The following RUNX3 variants were observed in gnomAD, a reference collection of about 807,000 sequenced individuals.
RUNX3 encodes the protein runt-related transcription factor 3.
In RUNX3, 10 loss-of-function variants were observed where a neutral mutation model predicts 27.7. That is an observed-to-expected ratio of 0.36 (90% CI 0.22 to 0.61). The LOEUF is 0.61. Among genes scored for constraint, RUNX3 ranks in the 20% least tolerant of loss-of-function variants. The pLI is 0.72. For synonymous variants in RUNX3, 270 were observed against 269.2 expected, an observed-to-expected ratio of 1.00 and a Z score of -0.03; for missense variants, 469 against 629.5, an observed-to-expected ratio of 0.75 and a Z score of 2.73.
chr1:24,908,152 CCTCTACGACACGCGGTGATCCGAAG>C (rs1445471091), intron 3 of RUNX3, among the ~76,000 whole-genome samples: 1,665 of 136,146 alleles, frequency 0.012, 51 homozygotes, highest in African/African-American at 0.028. Flanking sequence ...GTGATCCGAA[CCTCTACGACACGCGGTGATCCGAAG>C]CTCTACGACA....
At chr1:24,940,732 CAA>C (rs34576113) in intron 2 of RUNX3, among the ~76,000 whole-genome samples, 6 of 126,558 alleles carry the variant, frequency 4.7e-5, no homozygotes, top group Non-Finnish European at 6.8e-5. Context: ...CTGTATCTAC[CAA>C]AAAAAAAAAA....
chr1:24,904,541 G>C lies in RUNX3; in HGVS notation c.704-1875C>G, dbSNP rs537778433. On this transcript the variant is annotated intron_variant, in intron 4 of 4. Transcript: ENST00000308873. The surrounding 1 kb of genome is among the most constrained non-coding windows in gnomAD (Gnocchi z 5.7). The stretch of plus-strand genomic sequence containing the variant: ...CCAGTTTTCATCTGGGGAGCCCCTC[G>C]GGGGGAGAGGTCCTGTTGCAGGTGC... 6.6e-6 allele frequency among the ~76,000 whole-genome samples: 1 copy of C among 152,184 alleles called. No individual in the cohort carries two copies. The highest frequency in any genetic ancestry group is 2.4e-5 in the African/African-American group (1 of 41,448).
chr1:24,902,014 C>T lies in RUNX3; in HGVS notation c.*108G>A. 1.8e-6 allele frequency: 2 copies of T among 1,098,082 alleles called. No homozygotes were observed. The highest frequency in any genetic ancestry group is 1.6e-5 in the African/African-American group (1 of 63,140). The allele number at this position is 1,098,082 out of a possible 1,614,324, so 68.0% of individuals were successfully genotyped here. On this transcript the variant is annotated 3_prime_UTR_variant, in exon 5 of 5. Coordinates refer to ENST00000308873, the MANE Select transcript of RUNX3 (RefSeq NM_004350.3). The surrounding 1 kb of genome is among the most constrained non-coding windows in gnomAD (Gnocchi z 9.2). ...TGGGACCACCCTGGGACCGAGACCACCCTGGAGCGCAGGTCCCATTCCCGC... is the reference window on the plus strand; with the variant it reads ...TGGGACCACCCTGGGACCGAGACCATCCTGGAGCGCAGGTCCCATTCCCGC...
At chr1:24,907,544 G>T in intron 3 of RUNX3, 127 bp from the exon 4 acceptor site, 1 of 903,684 alleles carries the variant, frequency 1.1e-6, no homozygotes, top group Non-Finnish European at 1.6e-6. Flanking sequence ...GAACCCTGAG[G>T]TCACCGCCAG....
At chr1:24,913,783 T>A (rs1375465023) in intron 3 of RUNX3, among the ~76,000 whole-genome samples, 1 of 152,176 alleles carries the variant, frequency 6.6e-6, no homozygotes. Flanking sequence ...CTGGCCAGCC[T>A]GGGGTCCTAC....
At chr1:24,908,993 CA>C (rs1013104267) in intron 3 of RUNX3, among the ~76,000 whole-genome samples, 1 of 152,144 alleles carries the variant, frequency 6.6e-6, no homozygotes, top group Admixed American at 6.5e-5. Flanking sequence ...AAGCTGGGGT[CA>C]GGGGACGAGA....
At chr1:24,963,617 G>A (rs776899097) in intron 2 of RUNX3, among the ~76,000 whole-genome samples, 23 of 152,286 alleles carry the variant, frequency 1.5e-4, no homozygotes, top group Non-Finnish European at 1.6e-4. Context: ...CCACTGAGCC[G>A]TGGGACTTGA....
Position 24,964,400 on chromosome 1 carries a change from G to A in RUNX3, c.58+114C>T, listed in dbSNP as rs577428965. The A allele has an allele frequency of 1.5e-4, 123 of 821,474 alleles. No homozygotes were observed. In the East Asian group the frequency reaches 2.3e-3, roughly 16 times the overall value. The allele number at this position is 821,474 out of a possible 1,614,324, so 50.9% of individuals were successfully genotyped here. Reference sequence around the variant, plus strand: ...CCACCTCAGGCTTTCAGAGGCCAGCGGATTTAGGCGGACAGGCTGTGCGCT... The same window carrying A: ...CCACCTCAGGCTTTCAGAGGCCAGCAGATTTAGGCGGACAGGCTGTGCGCT... On this transcript the variant is annotated intron_variant, in intron 2 of 6. Coordinates refer to the RUNX3 transcript ENST00000338888.
Position 24,902,337 on chromosome 1 carries a change from T to C in RUNX3, c.1033A>G (p.Met345Val), listed in dbSNP as rs1209824432. 1.9e-6 allele frequency: 3 copies of C among 1,611,184 alleles called. No homozygotes were observed. Among genetic ancestry groups the C allele is most frequent in the Non-Finnish European group, 1.7e-6 (2 of 1,179,678 alleles). The part of the protein sequence containing the change: ...GTSSGSYQFS[M>V]VAGSSSGGDR... ...CCCCCACTGCTGCTGCCGGCCACCA[T>C]GGAGAACTGGTAGGAGCCAGAGGAT... The change falls in exon 5 of 5, where the codon ATG becomes GTG. Residue 345 changes from methionine to valine, a missense_variant. Coordinates refer to ENST00000308873, the MANE Select transcript of RUNX3 (RefSeq NM_004350.3). This position sits in a 1 kb window ranked among gnomAD's most constrained non-coding sequence, Gnocchi z 9.2.
chr1:24,953,148 C>T (rs61774735), intron 2 of RUNX3, among the ~76,000 whole-genome samples: 22,097 of 151,836 alleles, frequency 0.15, 1,829 homozygotes, highest in South Asian at 0.23. Context: ...GGGCGGATCA[C>T]GAGGTCAGGA....
chr1:24,917,849 T>G (rs74750865), intron 3 of RUNX3, among the ~76,000 whole-genome samples: 1 of 152,284 alleles, frequency 6.6e-6, no homozygotes, highest in Non-Finnish European at 1.5e-5. Context: ...ATCACCACCT[T>G]GAGACTCCTG....
rs750411355 is a variant in RUNX3, at chr1:24,964,613, G to A, written c.-42C>T. On this transcript the variant is annotated 5_prime_UTR_variant, in exon 2 of 7. Transcript: ENST00000338888. ...GGCGAGAATTTTCAGCCCTTCAGGGGGTTGGGTTGGGATTCACTTGGTTGG... is the reference window on the plus strand; with the variant it reads ...GGCGAGAATTTTCAGCCCTTCAGGGAGTTGGGTTGGGATTCACTTGGTTGG... 22 of 1,588,550 alleles carry A rather than the reference G, an allele frequency of 1.4e-5. No homozygotes were observed. In the Middle Eastern group the frequency reaches 2.0e-3, roughly 143 times the overall value.
chr1:24,901,454 G>A lies in RUNX3; in HGVS notation c.*668C>T, dbSNP rs115440312. On this transcript the variant is annotated 3_prime_UTR_variant, in exon 5 of 5. Transcript: ENST00000308873. ...TCATCTTCTCTGGGGCCTGGGACCC[G>A]TGCGGCTGGGGGAAAGCCAACAGTT... The A allele has an allele frequency of 3.6e-3, 545 of 153,002 alleles. 2 individuals carry two copies. Among genetic ancestry groups the A allele is most frequent in the African/African-American group, 0.011 (456 of 41,512 alleles). The allele number at this position is 153,002 out of a possible 1,614,324, so 9.5% of individuals were successfully genotyped here.
intron 2 of RUNX3, among the ~76,000 whole-genome samples, chr1:24,925,836 A>C (rs1641088681): frequency 6.6e-6 from 1 of 152,114 alleles, no homozygotes. Flanking sequence ...AGCCTCGGCC[A>C]TTCCTGCTAC....
intron 2 of RUNX3, among the ~76,000 whole-genome samples, chr1:24,939,389 C>T (rs992082859): frequency 2.0e-5 from 3 of 152,230 alleles, no homozygotes; most frequent in Non-Finnish European, 4.4e-5. Context: ...AAAGATGCTC[C>T]TAGGAGATGC....
At chr1:24,964,205 G>A (rs959683977) in intron 2 of RUNX3, among the ~76,000 whole-genome samples, 1 of 152,234 alleles carries the variant, frequency 6.6e-6, no homozygotes, top group Non-Finnish European at 1.5e-5. Context: ...GAAGCAGCAA[G>A]CCGAGGGTCC....
In RUNX3 at chr1:24,901,840, G is replaced by C; in HGVS notation, c.*282C>G. On this transcript the variant is annotated 3_prime_UTR_variant, in exon 5 of 5. Coordinates refer to ENST00000308873, the MANE Select transcript of RUNX3 (RefSeq NM_004350.3). The stretch of plus-strand genomic sequence containing the variant: ...GAGACAGTGAGGTCCTTCCGGGGGG[G>C]TGGCAGGAGGCTGATTCCCCACAGA... 1 of 449,792 alleles carries C rather than the reference G, an allele frequency of 2.2e-6. No homozygotes were observed. The highest frequency in any genetic ancestry group is 4.0e-6 in the Non-Finnish European group (1 of 250,964). 27.9% of individuals were successfully genotyped at this position (449,792 alleles called of 1,614,324 possible). A position where few individuals can be genotyped will look rare whatever the true frequency, so the allele number is the denominator to read the frequency against.
At position 24,902,017 on chromosome 1, in the gene RUNX3, TG is replaced by T; in HGVS notation, c.*104del. 1 of 1,115,120 alleles carries T rather than the reference TG, an allele frequency of 9.0e-7. No individual in the cohort carries two copies. The allele number at this position is 1,115,120 out of a possible 1,614,324, so 69.1% of individuals were successfully genotyped here. A position where few individuals can be genotyped will look rare whatever the true frequency, so the allele number is the denominator to read the frequency against. ...GACCACCCTGGGACCGAGACCACCC[TG>T]GAGCGCAGGTCCCATTCCCGCCCGG... On this transcript the variant is annotated 3_prime_UTR_variant, in exon 5 of 5. Coordinates refer to ENST00000308873, the MANE Select transcript of RUNX3 (RefSeq NM_004350.3). This position sits in a 1 kb window ranked among gnomAD's most constrained non-coding sequence, Gnocchi z 9.2.
chr1:24,938,300 C>T (rs1022351779), intron 2 of RUNX3, among the ~76,000 whole-genome samples: 3 of 152,226 alleles, frequency 2.0e-5, no homozygotes, highest in African/African-American at 7.2e-5. Flanking sequence ...CTTCAACATT[C>T]TAGAATTCCA....
Sources: allele counts gnomAD v4.1 joint callset (sites outside exome capture counted in the v4.1 genomes callset), GRCh38; gene constraint gnomAD v4.1.1; non-coding constraint Gnocchi (gnomAD v3.1); transcripts MANE v1.5; gene names NCBI Gene and HGNC (gene_info 2026-07-23, HGNC 2026-07-21).